The following MYOCOS variants were observed in gnomAD, a reference collection of about 807,000 sequenced individuals.
The protein encoded by MYOCOS is myocilin opposite strand protein.
chr1:171,613,177 T>G (rs1572203270), intron 1 of MYOCOS, among the ~76,000 whole-genome samples: 1 of 152,346 alleles, frequency 6.6e-6, no homozygotes, highest in Admixed American at 6.5e-5. Context: ...ATCATTACTA[T>G]ACACTTGCCA....
At chr1:171,613,972 T>C (rs1189832920) in intron 1 of MYOCOS, among the ~76,000 whole-genome samples, 2 of 152,208 alleles carry the variant, frequency 1.3e-5, no homozygotes, top group South Asian at 2.1e-4. Context: ...ATCTTCTTTC[T>C]CAAATTCATC....
chr1:171,625,706 A>T (rs780722244), intron 2 of MYOCOS, among the ~76,000 whole-genome samples: 1 of 152,200 alleles, frequency 6.6e-6, no homozygotes, highest in Non-Finnish European at 1.5e-5. Context: ...GGAGCTGTGA[A>T]GTGAAACTGA....
At chr1:171,621,628 G>A (rs1652578306), upstream of MYOCOS, among the ~76,000 whole-genome samples, 1 of 152,060 alleles carries the variant, frequency 6.6e-6, no homozygotes, top group African/African-American at 2.4e-5. Flanking sequence ...GCCCGCCTCG[G>A]CCTCCTAAAG....
At chr1:171,604,167 A>G (rs1373525146) in intron 1 of MYOCOS, 2 of 152,136 alleles carry the variant, frequency 1.3e-5, no homozygotes, top group African/African-American at 2.4e-5. Context: ...GGATAGGAGC[A>G]GCTTCGCCAA....
upstream of MYOCOS, among the ~76,000 whole-genome samples, chr1:171,621,797 C>T (rs1652582044): frequency 6.6e-6 from 1 of 152,086 alleles, no homozygotes; most frequent in African/African-American, 2.4e-5. Context: ...GATCTCACCA[C>T]TGCACTTCAG....
Position 171,622,491 on chromosome 1 carries a change from G to T in MYOCOS, c.-44+159G>T, listed in dbSNP as rs565576674. Among the ~76,000 whole-genome samples the T allele has an allele frequency of 2.0e-4, 30 of 152,312 alleles. No homozygotes were observed. The South Asian group carries it at 6.2e-3, about 32-fold the overall frequency. On this transcript the variant is annotated intron_variant, in intron 1 of 2. Coordinates refer to ENST00000637642, the MANE Select transcript of MYOCOS (RefSeq NM_001391940.1). ...TTTCTCTTTTCAAAGAGATGAAGTA[G>T]CTGGTATGTGGGTACAGAGTATGTC...
intron 1 of MYOCOS, among the ~76,000 whole-genome samples, chr1:171,612,182 T>C (rs1436734514): frequency 5.9e-5 from 9 of 152,110 alleles, no homozygotes. Context: ...ATTCAAGCGA[T>C]TCTCCTGCCT....
At position 171,626,712 on chromosome 1, in the gene MYOCOS, A is replaced by G. The variant is rs1216996469; in HGVS notation, c.*111A>G. The stretch of plus-strand genomic sequence containing the variant: ...CTCTTGAAGATCTTTGTTCTTTCCT[A>G]TTTTTCTTCACCTAGAACCACCATA... On this transcript the variant is annotated 3_prime_UTR_variant, in exon 3 of 3. Coordinates refer to ENST00000637642, the MANE Select transcript of MYOCOS (RefSeq NM_001391940.1). 5.0e-6 allele frequency: 2 copies of G among 397,028 alleles called. No homozygotes were observed. The highest frequency in any genetic ancestry group is 4.1e-5 in the African/African-American group (2 of 48,532). The allele number at this position is 397,028 out of a possible 1,614,324, so 24.6% of individuals were successfully genotyped here.
chr1:171,623,606 TATATA>T (rs1223216659), intron 1 of MYOCOS, among the ~76,000 whole-genome samples: 1 of 152,170 alleles, frequency 6.6e-6, no homozygotes, highest in African/African-American at 2.4e-5. Flanking sequence ...ACATTTGTTC[TATATA>T]AACAACCAAC....
chr1:171,603,895 C>T (rs1220487785), intron 1 of MYOCOS, among the ~76,000 whole-genome samples: 1 of 152,108 alleles, frequency 6.6e-6, no homozygotes, highest in Non-Finnish European at 1.5e-5. Context: ...AACATAAAGT[C>T]CCCCCATGCT....
At chr1:171,605,394 C>CACACACAAA (rs376886204) in intron 1 of MYOCOS, among the ~76,000 whole-genome samples, 12 of 127,544 alleles carry the variant, frequency 9.4e-5, no homozygotes, top group African/African-American at 3.4e-4. Context: ...CACACACACA[C>CACACACAAA]AAAAAAAAAA....
At chr1:171,615,480 T>G (rs1333575383) in intron 2 of MYOCOS, among the ~76,000 whole-genome samples, 3 of 152,290 alleles carry the variant, frequency 2.0e-5, no homozygotes, top group Middle Eastern at 3.4e-3. Flanking sequence ...CAGTACCTGT[T>G]TTAAGAAAAA....
upstream of MYOCOS, among the ~76,000 whole-genome samples, chr1:171,617,284 A>C (rs1358616038): frequency 6.6e-6 from 1 of 152,118 alleles, no homozygotes; most frequent in Non-Finnish European, 1.5e-5. Flanking sequence ...CCTGACCCTG[A>C]GCATGATAAG....
intron 2 of MYOCOS, among the ~76,000 whole-genome samples, chr1:171,624,988 T>C (rs559138952): frequency 1.3e-5 from 2 of 152,318 alleles, no homozygotes; most frequent in Admixed American, 6.5e-5. Context: ...ATCAAAATTA[T>C]TGATTTGAAA....
At chr1:171,622,744 T>A (rs1652600716) in intron 1 of MYOCOS, among the ~76,000 whole-genome samples, 1 of 152,194 alleles carries the variant, frequency 6.6e-6, no homozygotes, top group Non-Finnish European at 1.5e-5. Flanking sequence ...TAATTCCTCT[T>A]CTGTTTCTTG....
intron 1 of MYOCOS, among the ~76,000 whole-genome samples, chr1:171,605,856 C>T (rs944414679): frequency 2.6e-5 from 4 of 152,092 alleles, no homozygotes; most frequent in Admixed American, 6.5e-5. Context: ...CTAATAAAAC[C>T]GGTCAAGCCT....
chr1:171,601,123 T>G (rs909105926), intron 1 of MYOCOS: 4 of 152,300 alleles, frequency 2.6e-5, no homozygotes, highest in African/African-American at 9.6e-5. Flanking sequence ...GAGCAGTGCG[T>G]AGCAGGCCCC....
rs182289180 is a variant in MYOCOS, at chr1:171,612,592, G to A, written c.-251-2206G>A. Among the ~76,000 whole-genome samples, 173 of 151,896 alleles carry A rather than the reference G, an allele frequency of 1.1e-3. 1 individual carries two copies. The highest frequency in any genetic ancestry group is 3.9e-3 in the African/African-American group (163 of 41,470). On this transcript the variant is annotated intron_variant, in intron 1 of 3. Coordinates refer to the MYOCOS transcript ENST00000636697. ...TATAATCCCAGCACTTTGGGAGGCC[G>A]AGGTGGGTGGATCACTTGAGGTCAG...
upstream of MYOCOS, among the ~76,000 whole-genome samples, chr1:171,620,769 C>CTTTT (rs201016150): frequency 1.3e-4 from 14 of 108,214 alleles, 1 homozygote; most frequent in African/African-American, 4.9e-4. Context: ...CTTTCTTTTT[C>CTTTT]TTTCTTTTTT....
Sources: gnomAD v4.1 joint callset for allele counts (sites outside exome capture counted in the v4.1 genomes callset) on GRCh38, gnomAD v4.1.1 for gene constraint, MANE v1.5 for transcripts, NCBI Gene and HGNC (gene_info 2026-07-23, HGNC 2026-07-21) for gene names.